PLCXD3: variants seen among roughly 807,000 people sequenced by gnomAD.
The protein encoded by PLCXD3 is PI-PLC X domain-containing protein 3.
Under a neutral mutation model 25.5 loss-of-function variants are expected in PLCXD3, and 19 were observed. That is an observed-to-expected ratio of 0.75 (90% CI 0.52 to 1.09). The LOEUF (loss-of-function observed/expected upper bound fraction) is 1.09, where lower values mean the gene tolerates loss of function less well. Ranked by LOEUF, PLCXD3 falls within the 50% of genes least tolerant of loss-of-function variation. The pLI, the probability that PLCXD3 is intolerant of heterozygous loss-of-function variation, is 0.00. For missense variants in PLCXD3, 411 were observed against 388.1 expected (o/e 1.06, Z -0.50); for synonymous variants, 174 against 137.6 (o/e 1.26, Z -1.85).
At chr5:41,494,991 A>G (rs1179363307) in intron 1 of PLCXD3, among the ~76,000 whole-genome samples, 1 of 152,092 alleles carries the variant, frequency 6.6e-6, no homozygotes, top group Non-Finnish European at 1.5e-5. Flanking sequence ...GATGCTCCAG[A>G]CTCTCCTTTC....
chr5:41,352,953 C>T (rs992478226), intron 2 of PLCXD3, among the ~76,000 whole-genome samples: 9 of 152,090 alleles, frequency 5.9e-5, no homozygotes, highest in African/African-American at 2.2e-4. Context: ...GAAAATATGA[C>T]GACTTTCTCA....
chr5:41,398,188 A>C (rs1746068154), intron 1 of PLCXD3, among the ~76,000 whole-genome samples: 1 of 152,218 alleles, frequency 6.6e-6, no homozygotes, highest in African/African-American at 2.4e-5. Flanking sequence ...TCCAAATCTT[A>C]TGTTGAAATG....
chr5:41,350,727 A>G (rs1434846536), intron 2 of PLCXD3, among the ~76,000 whole-genome samples: 1 of 152,250 alleles, frequency 6.6e-6, no homozygotes, highest in Non-Finnish European at 1.5e-5. Context: ...CAAAAGTTCC[A>G]AAGAGCTTTA....
intron 1 of PLCXD3, among the ~76,000 whole-genome samples, chr5:41,421,545 C>CA (rs1746823700): frequency 6.6e-6 from 1 of 151,864 alleles, no homozygotes; most frequent in South Asian, 2.1e-4. Context: ...ACTAAAAATA[C>CA]AAAAAATTAA....
At chr5:41,482,105 T>A (rs951893749) in intron 1 of PLCXD3, among the ~76,000 whole-genome samples, 1 of 152,134 alleles carries the variant, frequency 6.6e-6, no homozygotes, top group Non-Finnish European at 1.5e-5. Flanking sequence ...GATATGTCAG[T>A]AAAAAAAGAT....
At chr5:41,474,900 G>A (rs114947950) in intron 1 of PLCXD3, among the ~76,000 whole-genome samples, 1,779 of 152,174 alleles carry the variant, frequency 0.012, 40 homozygotes, top group African/African-American at 0.04. Flanking sequence ...AACGCAACCC[G>A]TTCTCTGACT....
chr5:41,465,353 C>CTTTTTTTTTTTTTTTTTTT lies in PLCXD3; in HGVS notation c.103+45052_103+45070dup, dbSNP rs58098437. Among the ~76,000 whole-genome samples the CTTTTTTTTTTTTTTTTTTT allele has an allele frequency of 6.4e-3, 85 of 13,230 alleles. 16 individuals are homozygous for CTTTTTTTTTTTTTTTTTTT. Among genetic ancestry groups the CTTTTTTTTTTTTTTTTTTT allele is most frequent in the Non-Finnish European group, 8.1e-3 (60 of 7,442 alleles). 8.7% of individuals were successfully genotyped at this position (13,230 alleles called of 152,430 possible). ...TCCTACTTTCCCCACTAGTTCTTGT[C>CTTTTTTTTTTTTTTTTTTT]TTTTTTTTTTTTTTTTTTTTTTTTT... On this transcript the variant is annotated intron_variant, in intron 1 of 2. Coordinates refer to ENST00000377801, the MANE Select transcript of PLCXD3 (RefSeq NM_001005473.3).
chr5:41,450,791 C>T (rs1045257960), intron 1 of PLCXD3, among the ~76,000 whole-genome samples: 4 of 152,012 alleles, frequency 2.6e-5, no homozygotes, highest in Non-Finnish European at 4.4e-5. Context: ...GGTCACACAA[C>T]CCCATTCTCT....
chr5:41,318,261 T>C (rs1561229897), intron 2 of PLCXD3, among the ~76,000 whole-genome samples: 1 of 152,156 alleles, frequency 6.6e-6, no homozygotes, highest in African/African-American at 2.4e-5. Flanking sequence ...CAAAACTTAC[T>C]GGTAATGGTA....
At chr5:41,442,214 G>T (rs989616284) in intron 1 of PLCXD3, among the ~76,000 whole-genome samples, 1 of 152,186 alleles carries the variant, frequency 6.6e-6, no homozygotes, top group Non-Finnish European at 1.5e-5. Flanking sequence ...AAATCTGTAT[G>T]TAACAATGAA....
At chr5:41,487,630 G>T (rs1427475065) in intron 1 of PLCXD3, among the ~76,000 whole-genome samples, 2 of 152,198 alleles carry the variant, frequency 1.3e-5, no homozygotes, top group African/African-American at 4.8e-5. Context: ...TTAGAAAAAT[G>T]ATAAAAATGG....
At chr5:41,445,840 T>C (rs947596257) in intron 1 of PLCXD3, among the ~76,000 whole-genome samples, 1 of 151,940 alleles carries the variant, frequency 6.6e-6, no homozygotes, top group Non-Finnish European at 1.5e-5. Context: ...ATAATCATGA[T>C]AAGTAATTAA....
intron 1 of PLCXD3, among the ~76,000 whole-genome samples, chr5:41,420,593 T>A (rs1222743000): frequency 6.6e-6 from 1 of 152,206 alleles, no homozygotes; most frequent in Non-Finnish European, 1.5e-5. Context: ...ATGTTACATC[T>A]CTCAGACTGG....
At chr5:41,405,755 C>G (rs1359256284) in intron 1 of PLCXD3, among the ~76,000 whole-genome samples, 1 of 152,026 alleles carries the variant, frequency 6.6e-6, no homozygotes, top group African/African-American at 2.4e-5. Context: ...AATCATTGGT[C>G]CAATTTTTTA....
chr5:41,312,138 G>A lies in PLCXD3; in HGVS notation c.*1479C>T, dbSNP rs767427778. The A allele has an allele frequency of 2.0e-5, 3 of 151,670 alleles. No individual in the cohort carries two copies. The highest frequency in any genetic ancestry group is 4.4e-5 in the Non-Finnish European group (3 of 67,922). The allele number at this position is 151,670 out of a possible 1,614,324, so 9.4% of individuals were successfully genotyped here. On this transcript the variant is annotated 3_prime_UTR_variant, in exon 3 of 3. Transcript: ENST00000377801. Reference sequence around the variant, plus strand: ...GAGTTGTCAAATATCACAATGACACGAAGGAGGAAGTAACGCTCAAGCTGT... The same window carrying A: ...GAGTTGTCAAATATCACAATGACACAAAGGAGGAAGTAACGCTCAAGCTGT...
intron 1 of PLCXD3, among the ~76,000 whole-genome samples, chr5:41,418,000 A>G (rs1746732559): frequency 6.6e-6 from 1 of 152,234 alleles, no homozygotes; most frequent in African/African-American, 2.4e-5. Flanking sequence ...TTCAAATGTC[A>G]TATTAAGTTT....
At chr5:41,371,643 T>C (rs904636501) in intron 2 of PLCXD3, among the ~76,000 whole-genome samples, 3 of 152,174 alleles carry the variant, frequency 2.0e-5, no homozygotes, top group Non-Finnish European at 2.9e-5. Context: ...ATGAACCCCA[T>C]GGTATGTTCT....
chr5:41,418,315 T>C (rs1269985960), intron 1 of PLCXD3, among the ~76,000 whole-genome samples: 2 of 152,160 alleles, frequency 1.3e-5, no homozygotes, highest in African/African-American at 2.4e-5. Flanking sequence ...TTCAAAGACT[T>C]TTTTCTTCCT....
At chr5:41,468,511 G>A (rs1748076891) in intron 1 of PLCXD3, among the ~76,000 whole-genome samples, 1 of 152,046 alleles carries the variant, frequency 6.6e-6, no homozygotes, top group Non-Finnish European at 1.5e-5. Context: ...CATGAACACA[G>A]GAGATCTCTT....
Sources: allele counts gnomAD v4.1 joint callset (sites outside exome capture counted in the v4.1 genomes callset), GRCh38; gene constraint gnomAD v4.1.1; transcripts MANE v1.5; gene names NCBI Gene and HGNC (gene_info 2026-07-23, HGNC 2026-07-21).